Variants in ST14 observed in about 807,000 individuals in gnomAD.
ST14 encodes the protein ST14 transmembrane serine protease matriptase.
ST14 carries 40 observed loss-of-function variants against 96.5 expected under a neutral mutation model. The observed-to-expected ratio is 0.41, with a 90% CI of 0.32 to 0.54. ST14 has a LOEUF of 0.54. Among genes scored for constraint, ST14 ranks in the 20% least tolerant of loss-of-function variants. The pLI is 0.17. For synonymous variants in ST14, 506 were observed against 492.1 expected (o/e 1.03, Z -0.37); for missense variants, 1,066 against 1,188.9 (o/e 0.90, Z 1.52).
rs1565623977 is a variant in ST14, at chr11:130,190,266, TCTTTCC to T, written c.634+119_634+124del. On this transcript the variant is annotated intron_variant, in intron 6 of 18. Transcript: ENST00000278742. ...CTCTGAATGAAGTATATTATGACGA[TCTTTCC>T]AGGCCCTTCCTCTTCCAGGCCCTTC... is the stretch of plus-strand genomic sequence containing the variant. 1.8e-3 allele frequency: 2,709 copies of T among 1,502,828 alleles called. 40 individuals carry two copies. The African/African-American group carries it at 0.032, about 18-fold the overall frequency. The allele number at this position is 1,502,828 out of a possible 1,614,324, so 93.1% of individuals were successfully genotyped here.
chr11:130,203,290 A>C (rs1953450616), intron 16 of ST14, among the ~76,000 whole-genome samples: 1 of 152,282 alleles, frequency 6.6e-6, no homozygotes, highest in African/African-American at 2.4e-5. Flanking sequence ...AGACCCTTTC[A>C]GCTACATGCT....
intron 1 of ST14, among the ~76,000 whole-genome samples, chr11:130,172,422 T>G (rs1198805869): frequency 1.4e-5 from 2 of 142,404 alleles, no homozygotes; most frequent in African/African-American, 5.3e-5. Flanking sequence ...TTTTTTTTTT[T>G]TTTTTTTTTT....
intron 17 of ST14, among the ~76,000 whole-genome samples, chr11:130,209,061 C>T (rs1021091731): frequency 2.6e-5 from 4 of 152,196 alleles, no homozygotes; most frequent in Non-Finnish European, 5.9e-5. Flanking sequence ...TTGAAAGAAT[C>T]CACTGTACAG....
At chr11:130,177,254 C>G (rs190361769) in intron 1 of ST14, among the ~76,000 whole-genome samples, 174 of 152,102 alleles carry the variant, frequency 1.1e-3, no homozygotes, top group Admixed American at 2.7e-3. Flanking sequence ...GCTTCCTCTT[C>G]TTTCAGCCGA....
chr11:130,175,202 T>C (rs1444832526), intron 1 of ST14, among the ~76,000 whole-genome samples: 5 of 152,190 alleles, frequency 3.3e-5, no homozygotes, highest in Admixed American at 6.5e-5. Flanking sequence ...TTTTTTCAAG[T>C]CCGTCTCCAG....
intron 1 of ST14, among the ~76,000 whole-genome samples, chr11:130,168,746 C>T (rs945166977): frequency 3.9e-5 from 6 of 152,178 alleles, no homozygotes; most frequent in Non-Finnish European, 7.3e-5. Context: ...AGGACACAGA[C>T]TTCCTGGTGC....
intron 5 of ST14, 62 bp from the exon 6 acceptor site, chr11:130,190,051 G>A: frequency 6.2e-7 from 1 of 1,613,336 alleles, no homozygotes. Context: ...AGATAATAAG[G>A]AAGCAGGAAT....
intron 1 of ST14, among the ~76,000 whole-genome samples, chr11:130,183,256 G>A (rs1170449788): frequency 6.6e-6 from 1 of 152,092 alleles, no homozygotes; most frequent in Admixed American, 6.5e-5. Context: ...CACCACACCC[G>A]GCCTACATTT....
intron 1 of ST14, among the ~76,000 whole-genome samples, chr11:130,182,322 CTT>C (rs550257877): frequency 3.4e-5 from 5 of 145,804 alleles, no homozygotes; most frequent in African/African-American, 5.0e-5. Flanking sequence ...TCTTTCTTTC[CTT>C]TTTTTTTTTG....
intron 1 of ST14, among the ~76,000 whole-genome samples, chr11:130,183,339 G>T (rs1953211460): frequency 6.6e-6 from 1 of 152,256 alleles, no homozygotes; most frequent in Non-Finnish European, 1.5e-5. Flanking sequence ...TCTTAAATAT[G>T]ATTAGACTAC....
chr11:130,208,312 C>T, intron 16 of ST14, 98 bp from the exon 17 acceptor site: 1 of 1,548,036 alleles, frequency 6.5e-7, no homozygotes, highest in Non-Finnish European at 8.9e-7. Context: ...AGCAGCTGTG[C>T]CTCATCCATG....
In ST14 at chr11:130,181,469, G is replaced by A. The variant is rs966974636; in HGVS notation, c.82-6645G>A. Among the ~76,000 whole-genome samples, 1 of 152,182 alleles carries A rather than the reference G, an allele frequency of 6.6e-6. No individual in the cohort carries two copies. The highest frequency in any genetic ancestry group is 2.4e-5 in the African/African-American group (1 of 41,438). ...GTAAGCAGACACACCTGGCTTCATA[G>A]CACCGTTTTATGTGTGCACCTGCAA... On this transcript the variant is annotated intron_variant, in intron 1 of 18. Transcript: ENST00000278742. The surrounding 1 kb of genome is among the most constrained non-coding windows in gnomAD (Gnocchi z 4.1).
rs1181357553 is a variant in ST14, at chr11:130,209,570, T to TCCTGCCAGGTGGCCC, written c.2401_2406+9dup. 6.3e-7 allele frequency: 1 copy of TCCTGCCAGGTGGCCC among 1,576,902 alleles called. No individual in the cohort carries two copies. Among genetic ancestry groups the TCCTGCCAGGTGGCCC allele is most frequent in the Non-Finnish European group, 8.6e-7 (1 of 1,161,740 alleles). On this transcript the variant is annotated inframe_insertion, in exon 18 of 19. Transcript: ENST00000278742. ...GGGCTTCCTCAGCGGCGGCGTGGAC[T>TCCTGCCAGGTGGCCC]CCTGCCAGGTGGCCCCCGGGGCAGG...
Position 130,189,683 on chromosome 11 carries a change from G to A in ST14, c.441-56G>A, listed in dbSNP as rs555005936. The A allele has an allele frequency of 3.3e-5, 52 of 1,598,874 alleles. No homozygotes were observed. In the South Asian group the frequency reaches 3.4e-4, roughly 10 times the overall value. On this transcript the variant is annotated intron_variant, in intron 4 of 18. Coordinates refer to ENST00000278742, the MANE Select transcript of ST14 (RefSeq NM_021978.4). ...CATGTGTCCTGGAGTCGCTCTGGGC[G>A]CACGTGGGGGAAATGGGGCCCAGAG...
rs759133510 is a variant in ST14, at chr11:130,198,315, C to T, written c.1467C>T (p.Asp489=). Reference sequence around the variant, plus strand: ...CCCCTTACCCCACTCCAGGTTGCGACGCCGGCCACCAGTTCACGTGCAAGA... The same window carrying T: ...CCCCTTACCCCACTCCAGGTTGCGATGCCGGCCACCAGTTCACGTGCAAGA... ...DHSDELNCSC[D]AGHQFTCKNK... Residue 489 remains aspartate, a synonymous_variant, in exon 13 of 19, where the codon GAC becomes GAT. Coordinates refer to ENST00000278742, the MANE Select transcript of ST14 (RefSeq NM_021978.4). The T allele has an allele frequency of 3.3e-5, 54 of 1,614,012 alleles. No homozygotes were observed. Among genetic ancestry groups the T allele is most frequent in the African/African-American group, 1.7e-4 (13 of 74,922 alleles).
intron 11 of ST14, 152 bp from the exon 12 acceptor site, chr11:130,197,689 T>G: frequency 1.6e-6 from 1 of 639,320 alleles, no homozygotes; most frequent in East Asian, 2.8e-5. Flanking sequence ...TTGTCACAGC[T>G]TGGTGGGCCT....
intron 1 of ST14, among the ~76,000 whole-genome samples, chr11:130,169,190 G>A (rs186837184): frequency 6.8e-6 from 1 of 147,950 alleles, no homozygotes; most frequent in Non-Finnish European, 1.5e-5. Flanking sequence ...CGCCTCCCTG[G>A]TTCAAGCGAT....
chr11:130,177,802 T>G (rs2136206831), intron 1 of ST14, among the ~76,000 whole-genome samples: 1 of 152,372 alleles, frequency 6.6e-6, no homozygotes, highest in South Asian at 2.1e-4. Context: ...GTTTGTTTTT[T>G]CAAACGGCTT....
rs761079296 is a variant in ST14 at position 130,188,963 on chromosome 11, T to C, written c.440+24T>C. Reference sequence around the variant, plus strand: ...AGGTGGGTGTGGAGAGAAGGCTCAGTGGGATGCACCCCAGACTGGCTGGGA... The same window carrying C: ...AGGTGGGTGTGGAGAGAAGGCTCAGCGGGATGCACCCCAGACTGGCTGGGA... On this transcript the variant is annotated intron_variant, in intron 4 of 18. Coordinates refer to ENST00000278742, the MANE Select transcript of ST14 (RefSeq NM_021978.4). The surrounding 1 kb of genome is among the most constrained non-coding windows in gnomAD (Gnocchi z 5.4). 7 of 1,599,884 alleles carry C rather than the reference T, an allele frequency of 4.4e-6. No individual in the cohort carries two copies. In the African/African-American group the frequency reaches 9.4e-5, roughly 21 times the overall value.
Sources: gnomAD v4.1 joint callset for allele counts (sites outside exome capture counted in the v4.1 genomes callset) on GRCh38, gnomAD v4.1.1 for gene constraint, Gnocchi (gnomAD v3.1) non-coding constraint, MANE v1.5 for transcripts, NCBI Gene and HGNC (gene_info 2026-07-23, HGNC 2026-07-21) for gene names.